The following OLFM2 variants were observed in gnomAD, a reference collection of about 807,000 sequenced individuals.
The protein encoded by OLFM2 is olfactomedin 2.
OLFM2 carries 20 observed loss-of-function variants against 43.9 expected under a neutral mutation model. The observed-to-expected ratio is 0.46, with a 90% CI of 0.32 to 0.66. The LOEUF is 0.66. Ranked by LOEUF, OLFM2 falls within the 30% of genes least tolerant of loss-of-function variation. OLFM2 has a pLI of 0.04. For synonymous variants in OLFM2, 268 were observed against 278.6 expected (o/e 0.96, Z 0.38); for missense variants, 416 against 643.6 (o/e 0.65, Z 3.83).
chr19:9,879,440 G>C (rs781756382), intron 1 of OLFM2, among the ~76,000 whole-genome samples: 1 of 151,828 alleles, frequency 6.6e-6, no homozygotes, highest in African/African-American at 2.4e-5. Flanking sequence ...CCAAGCTCTC[G>C]TTGTTTAAAC....
chr19:9,904,017 C>T (rs1044734241), intron 1 of OLFM2, among the ~76,000 whole-genome samples: 3 of 152,140 alleles, frequency 2.0e-5, no homozygotes, highest in African/African-American at 4.8e-5. Context: ...CTGAGGGCTG[C>T]ATCACCAGAC....
At chr19:9,906,995 C>A (rs915582773) in intron 1 of OLFM2, among the ~76,000 whole-genome samples, 3 of 152,114 alleles carry the variant, frequency 2.0e-5, no homozygotes, top group Non-Finnish European at 2.9e-5. Flanking sequence ...GAGGGACGCC[C>A]TCCTGAGTGG....
chr19:9,897,314 T>G (rs1599487197), intron 1 of OLFM2, among the ~76,000 whole-genome samples: 1 of 128,918 alleles, frequency 7.8e-6, no homozygotes, highest in Non-Finnish European at 1.6e-5. Flanking sequence ...GGCAACAGAG[T>G]GAGACTTCGT....
Position 9,935,865 on chromosome 19 carries a change from G to A in OLFM2, c.63+439C>T, listed in dbSNP as rs531179906. On this transcript the variant is annotated intron_variant, in intron 1 of 5. Transcript: ENST00000264833. ...ACGCGTCCCCGTCAGTCACTCTCAC[G>A]TGAGTCCCGTCCCCTGCCCCACACT... Among the ~76,000 whole-genome samples the A allele has an allele frequency of 2.0e-5, 3 of 152,110 alleles. No homozygotes were observed. The South Asian group carries it at 6.2e-4, about 32-fold the overall frequency.
intron 1 of OLFM2, among the ~76,000 whole-genome samples, chr19:9,873,317 C>T (rs1381863610): frequency 6.6e-6 from 1 of 152,128 alleles, no homozygotes; most frequent in Non-Finnish European, 1.5e-5. Flanking sequence ...CCACGCCAGG[C>T]TAATTTTTGT....
intron 1 of OLFM2, among the ~76,000 whole-genome samples, chr19:9,870,571 C>G (rs1599471068): frequency 6.6e-6 from 1 of 152,222 alleles, no homozygotes; most frequent in Non-Finnish European, 1.5e-5. Context: ...TCTGGCCCAT[C>G]CTCTCTAATT....
At chr19:9,860,209 G>A (rs1013655519) in intron 2 of OLFM2, among the ~76,000 whole-genome samples, 2 of 152,036 alleles carry the variant, frequency 1.3e-5, no homozygotes, top group Non-Finnish European at 2.9e-5. Flanking sequence ...TGGGCATGGT[G>A]GCTCACACCT....
intron 2 of OLFM2, among the ~76,000 whole-genome samples, chr19:9,860,129 C>T (rs934485196): frequency 6.8e-6 from 1 of 146,064 alleles, no homozygotes; most frequent in African/African-American, 2.6e-5. Context: ...GCCTGGGCGA[C>T]AGAGTGAGAC....
At chr19:9,899,202 C>A (rs1265315740) in intron 1 of OLFM2, among the ~76,000 whole-genome samples, 1 of 151,666 alleles carries the variant, frequency 6.6e-6, no homozygotes, top group Non-Finnish European at 1.5e-5. Context: ...GAGGTGGAGG[C>A]TGCAGCGAGC....
At chr19:9,880,698 C>A (rs541892341) in intron 1 of OLFM2, among the ~76,000 whole-genome samples, 183 of 152,252 alleles carry the variant, frequency 1.2e-3, no homozygotes, top group African/African-American at 4.1e-3. Context: ...CACCTGCAAG[C>A]CAATGAGAGA....
At chr19:9,910,100 G>A (rs768917622) in intron 1 of OLFM2, among the ~76,000 whole-genome samples, 4 of 152,108 alleles carry the variant, frequency 2.6e-5, no homozygotes, top group African/African-American at 9.7e-5. Context: ...TTCTTAGGAG[G>A]CTAAGACAGG....
chr19:9,855,223 CTTT>C (rs34795349), intron 5 of OLFM2, among the ~76,000 whole-genome samples: 2 of 141,924 alleles, frequency 1.4e-5, no homozygotes, highest in Admixed American at 7.2e-5. Context: ...TGCTATTGGT[CTTT>C]TTTTTTTTTA....
At chr19:9,900,835 G>T (rs929801662) in intron 1 of OLFM2, among the ~76,000 whole-genome samples, 4 of 148,766 alleles carry the variant, frequency 2.7e-5, no homozygotes, top group East Asian at 4.0e-4. Flanking sequence ...AGGCTGCAGT[G>T]AGCTATGATT....
chr19:9,857,045 C>T lies in OLFM2; in HGVS notation c.581-132G>A. The stretch of plus-strand genomic sequence containing the variant: ...TGAGGGAAGACTCAAAAATCTGGTC[C>T]CAATATGTTGTTCAGTTGTGAGTGA... On this transcript the variant is annotated intron_variant, in intron 4 of 5. Transcript: ENST00000264833. The surrounding 1 kb of genome is among the most constrained non-coding windows in gnomAD (Gnocchi z 5.7). The T allele has an allele frequency of 1.1e-6, 1 of 878,310 alleles. No individual in the cohort carries two copies. The allele number at this position is 878,310 out of a possible 1,614,324, so 54.4% of individuals were successfully genotyped here.
chr19:9,913,349 C>T (rs2046844259), intron 1 of OLFM2: 1 of 404,292 alleles, frequency 2.5e-6, no homozygotes, highest in Non-Finnish European at 3.5e-6. Context: ...CCTACCCAGG[C>T]GTGCCGGGCA....
chr19:9,870,703 C>T (rs542962208), intron 1 of OLFM2, among the ~76,000 whole-genome samples: 6 of 152,170 alleles, frequency 3.9e-5, no homozygotes, highest in Non-Finnish European at 7.4e-5. Context: ...TCCCCATCCC[C>T]GGGGCTCAAG....
At chr19:9,870,931 CGCATCT>C (rs2046436634) in intron 1 of OLFM2, among the ~76,000 whole-genome samples, 1 of 151,868 alleles carries the variant, frequency 6.6e-6, no homozygotes, top group Non-Finnish European at 1.5e-5. Flanking sequence ...TACAGTGGCT[CGCATCT>C]GTAATCCTGG....
In OLFM2 at chr19:9,902,177, C is replaced by T. The variant is rs931462462; in HGVS notation, c.63+34127G>A. Among the ~76,000 whole-genome samples, 8 of 151,262 alleles carry T rather than the reference C, an allele frequency of 5.3e-5. No homozygotes were observed. The South Asian group carries it at 6.3e-4, about 12-fold the overall frequency. On this transcript the variant is annotated intron_variant, in intron 1 of 5. Coordinates refer to ENST00000264833, the MANE Select transcript of OLFM2 (RefSeq NM_058164.4). ...CCGAGTAGCTGGGACTACAGGCACC[C>T]GCCACCAAGCCTGGCTAATTTTTTG...
intron 1 of OLFM2, among the ~76,000 whole-genome samples, chr19:9,872,629 G>A (rs995291553): frequency 3.3e-5 from 5 of 152,150 alleles, no homozygotes; most frequent in South Asian, 4.1e-4. Flanking sequence ...CTTGTGGGTC[G>A]GGGAGGGGTC....
Sources: gnomAD v4.1 joint callset for allele counts (sites outside exome capture counted in the v4.1 genomes callset) on GRCh38, gnomAD v4.1.1 for gene constraint, Gnocchi (gnomAD v3.1) non-coding constraint, MANE v1.5 for transcripts, NCBI Gene and HGNC (gene_info 2026-07-23, HGNC 2026-07-21) for gene names.